ROBO1: variants seen among roughly 807,000 people sequenced by gnomAD.
The protein encoded by ROBO1 is roundabout guidance receptor 1.
ROBO1 carries 149 observed loss-of-function variants against 195.9 expected under a neutral mutation model. That is an observed-to-expected ratio of 0.76 (90% CI 0.67 to 0.87). The LOEUF (loss-of-function observed/expected upper bound fraction) is 0.87, where lower values mean the gene tolerates loss of function less well. Among genes scored for constraint, ROBO1 ranks in the 40% least tolerant of loss-of-function variants. ROBO1 has a pLI of 0.00. For synonymous variants in ROBO1, 816 were observed against 733.2 expected, an observed-to-expected ratio of 1.11 and a Z score of -1.82; for missense variants, 1,933 against 2,068.3, an observed-to-expected ratio of 0.93 and a Z score of 1.27.
At chr3:79,563,098 G>T (rs1419549945) in intron 2 of ROBO1, among the ~76,000 whole-genome samples, 1 of 151,988 alleles carries the variant, frequency 6.6e-6, no homozygotes, top group Non-Finnish European at 1.5e-5. Flanking sequence ...ACTATATAAA[G>T]TGTCAAAGCA....
At position 79,484,755 on chromosome 3, in the gene ROBO1, CTT is replaced by C. The variant is rs1158213253; in HGVS notation, c.88+105067_88+105068del. Among the ~76,000 whole-genome samples, 264 of 66,880 alleles carry C rather than the reference CTT, an allele frequency of 3.9e-3. 45 individuals carry two copies. In the East Asian group the frequency reaches 0.11, roughly 28 times the overall value. The allele number at this position is 66,880 out of a possible 152,430, so 43.9% of individuals were successfully genotyped here. On this transcript the variant is annotated intron_variant, in intron 2 of 30. Coordinates refer to ENST00000464233, the MANE Select transcript of ROBO1 (RefSeq NM_002941.4). ...TTATACACCACTATCATTGCACTAT[CTT>C]TTTTTTTTTTTTTTTGAGACAGAGT...
chr3:79,047,695 T>C (rs992230668), intron 3 of ROBO1, among the ~76,000 whole-genome samples: 1 of 152,130 alleles, frequency 6.6e-6, no homozygotes, highest in Admixed American at 6.6e-5. Flanking sequence ...GTATGTCATG[T>C]GTCACTATAG....
At chr3:79,165,424 G>A (rs1161241148) in intron 2 of ROBO1, among the ~76,000 whole-genome samples, 1 of 152,216 alleles carries the variant, frequency 6.6e-6, no homozygotes, top group Non-Finnish European at 1.5e-5. Context: ...TCTTAGGAAT[G>A]TGCTGAGTGA....
chr3:78,909,298 T>C (rs1400909616), intron 4 of ROBO1, among the ~76,000 whole-genome samples: 1 of 151,866 alleles, frequency 6.6e-6, no homozygotes, highest in East Asian at 1.9e-4. Context: ...AAAACAAAAA[T>C]TGCATATATA....
intron 4 of ROBO1, among the ~76,000 whole-genome samples, chr3:78,928,645 C>G (rs188058373): frequency 9.2e-5 from 14 of 152,274 alleles, no homozygotes; most frequent in African/African-American, 3.4e-4. Context: ...TGACTCTTTA[C>G]TGGTTTCTTC....
intron 2 of ROBO1, among the ~76,000 whole-genome samples, chr3:79,342,249 A>C (rs2034936028): frequency 6.6e-6 from 1 of 152,208 alleles, no homozygotes; most frequent in African/African-American, 2.4e-5. Context: ...GACATGATAA[A>C]AATGGCATTT....
chr3:79,171,244 T>C (rs2081159905), intron 2 of ROBO1, among the ~76,000 whole-genome samples: 1 of 150,838 alleles, frequency 6.6e-6, no homozygotes, highest in South Asian at 2.1e-4. Context: ...TTTGTAATTG[T>C]TTTACTTCAT....
At chr3:78,837,166 A>T (rs1036863546) in intron 4 of ROBO1, among the ~76,000 whole-genome samples, 9 of 152,216 alleles carry the variant, frequency 5.9e-5, no homozygotes, top group Non-Finnish European at 1.3e-4. Flanking sequence ...ATTTCTTCAC[A>T]ATTAAAAATC....
At position 78,633,673 on chromosome 3, in the gene ROBO1, A is replaced by C. The variant is rs558629191; in HGVS notation, c.3481+262T>G. Among the ~76,000 whole-genome samples the C allele has an allele frequency of 4.6e-5, 7 of 152,328 alleles. 1 individual carries two copies. In the South Asian group the frequency reaches 1.4e-3, roughly 32 times the overall value. On this transcript the variant is annotated intron_variant, in intron 24 of 30. Transcript: ENST00000464233. ...TTTCAACTGCCTTTAAAGATTAACC[A>C]GACATGTTTCTTCTGGCTTTGCTAA...
chr3:79,598,954 C>T lies in ROBO1; in HGVS notation c.-50-8993G>A, dbSNP rs138967513. 5.7e-3 allele frequency among the ~76,000 whole-genome samples: 872 copies of T among 152,150 alleles called. 8 individuals carry two copies. Among genetic ancestry groups the T allele is most frequent in the African/African-American group, 0.02 (824 of 41,532 alleles). ...CTTCACTGCTGGCACAACCAGCATT[C>T]GAGAAAGCCAGGACTAAACCTATTT... is the stretch of plus-strand genomic sequence containing the variant. On this transcript the variant is annotated intron_variant, in intron 1 of 30. Coordinates refer to ENST00000464233, the MANE Select transcript of ROBO1 (RefSeq NM_002941.4).
rs149687894 is a variant in ROBO1, at chr3:79,618,668, A to G, written c.-50-28707T>C. On this transcript the variant is annotated intron_variant, in intron 1 of 30. Transcript: ENST00000464233. The stretch of plus-strand genomic sequence containing the variant: ...GTCTGCCTGCACCCAAGTGATTAAA[A>G]AGCCTTTTTGCTCACAGAAAGCCTG... 4.1e-4 allele frequency among the ~76,000 whole-genome samples: 62 copies of G among 152,252 alleles called. No individual in the cohort carries two copies. The East Asian group carries it at 9.5e-3, about 23-fold the overall frequency.
At chr3:78,861,974 AAAGATG>A (rs1395918008) in intron 4 of ROBO1, among the ~76,000 whole-genome samples, 1 of 152,218 alleles carries the variant, frequency 6.6e-6, no homozygotes, top group Non-Finnish European at 1.5e-5. Context: ...CCAGCTCTCC[AAAGATG>A]TCTATGCCTT....
chr3:78,820,599 T>C (rs903864973), intron 4 of ROBO1, among the ~76,000 whole-genome samples: 20 of 152,220 alleles, frequency 1.3e-4, no homozygotes, highest in African/African-American at 4.3e-4. Flanking sequence ...AAATCATTCA[T>C]TGTTGATAGC....
At chr3:79,433,871 A>G (rs977449422) in intron 2 of ROBO1, among the ~76,000 whole-genome samples, 1 of 152,182 alleles carries the variant, frequency 6.6e-6, no homozygotes, top group Non-Finnish European at 1.5e-5. Context: ...CCAATGGAAC[A>G]GAACAGAGCT....
intron 2 of ROBO1, among the ~76,000 whole-genome samples, chr3:79,208,646 A>G (rs1446292632): frequency 4.6e-5 from 7 of 151,678 alleles, no homozygotes; most frequent in Admixed American, 3.3e-4. Context: ...AAGGGTTTGC[A>G]AGAAAGTTAA....
rs971915752 is a variant in ROBO1, at chr3:79,654,006, T to A, written c.-50-64045A>T. On this transcript the variant is annotated intron_variant, in intron 1 of 30. Transcript: ENST00000464233. Reference sequence around the variant, plus strand: ...GTTGAATATTGAAGCTATCGATTTGTGAGTTAAAAAACCTTATGACATATC... The same window carrying A: ...GTTGAATATTGAAGCTATCGATTTGAGAGTTAAAAAACCTTATGACATATC... Among the ~76,000 whole-genome samples, 18 of 152,142 alleles carry A rather than the reference T, an allele frequency of 1.2e-4. No homozygotes were observed. The East Asian group carries it at 2.7e-3, about 23-fold the overall frequency.
At chr3:79,710,911 G>T (rs888689602) in intron 1 of ROBO1, among the ~76,000 whole-genome samples, 1 of 152,054 alleles carries the variant, frequency 6.6e-6, no homozygotes, top group African/African-American at 2.4e-5. Flanking sequence ...TTTGAAGTTG[G>T]TGAAGCCAGG....
chr3:79,607,354 C>T (rs1560033139), intron 1 of ROBO1, among the ~76,000 whole-genome samples: 1 of 151,252 alleles, frequency 6.6e-6, no homozygotes, highest in Non-Finnish European at 1.5e-5. Context: ...AAATCAATTG[C>T]TCTCATAGCC....
intron 4 of ROBO1, among the ~76,000 whole-genome samples, chr3:78,781,062 TA>T: frequency 6.6e-6 from 1 of 152,270 alleles, no homozygotes; most frequent in South Asian, 2.1e-4. Flanking sequence ...ATACCTCATA[TA>T]GTTGAACCCT....
Sources: allele counts gnomAD v4.1 joint callset (sites outside exome capture counted in the v4.1 genomes callset), GRCh38; gene constraint gnomAD v4.1.1; transcripts MANE v1.5; gene names NCBI Gene and HGNC (gene_info 2026-07-23, HGNC 2026-07-21).